The following SORCS3 variants were observed in gnomAD, a reference collection of about 807,000 sequenced individuals.
SORCS3 encodes sortilin related VPS10 domain containing receptor 3, also known as VPS10 domain-containing receptor SorCS3.
Under a neutral mutation model 146.3 loss-of-function variants are expected in SORCS3, and 57 were observed. The ratio of observed to expected loss-of-function variants is 0.39; its 90% CI spans 0.31 to 0.49. The LOEUF is 0.49. Among genes scored for constraint, SORCS3 ranks in the 20% least tolerant of loss-of-function variants. SORCS3 has a pLI of 0.92. For missense variants in SORCS3, 1,341 were observed against 1,575.5 expected (o/e 0.85, Z 2.52); for synonymous variants, 653 against 618.5 (o/e 1.06, Z -0.83).
At chr10:104,902,718 A>G (rs1383186096) in intron 2 of SORCS3, among the ~76,000 whole-genome samples, 1 of 152,202 alleles carries the variant, frequency 6.6e-6, no homozygotes, top group Non-Finnish European at 1.5e-5. Context: ...CCTGTCAAGA[A>G]ACTAAGCTGA....
chr10:105,000,933 C>G (rs1258426845), intron 4 of SORCS3, among the ~76,000 whole-genome samples: 1 of 152,150 alleles, frequency 6.6e-6, no homozygotes, highest in African/African-American at 2.4e-5. Context: ...ATTATCGAGT[C>G]AGATACTGCT....
At chr10:104,682,864 T>C (rs1303035285) in intron 1 of SORCS3, among the ~76,000 whole-genome samples, 1 of 152,180 alleles carries the variant, frequency 6.6e-6, no homozygotes, top group Non-Finnish European at 1.5e-5. Context: ...CATGAACTGC[T>C]CTTGAGGGCA....
intron 4 of SORCS3, among the ~76,000 whole-genome samples, chr10:105,038,129 T>A (rs768388354): frequency 6.6e-6 from 1 of 152,300 alleles, no homozygotes; most frequent in Non-Finnish European, 1.5e-5. Flanking sequence ...AAGGAGAGGA[T>A]CTCGATTGGT....
At chr10:105,069,054 TC>T (rs1276781197) in intron 5 of SORCS3, among the ~76,000 whole-genome samples, 4 of 152,188 alleles carry the variant, frequency 2.6e-5, no homozygotes, top group African/African-American at 9.7e-5. Context: ...AAAACTAGTC[TC>T]AATATTATAC....
intron 6 of SORCS3, among the ~76,000 whole-genome samples, chr10:105,094,574 C>T (rs2055732724): frequency 6.6e-6 from 1 of 152,170 alleles, no homozygotes; most frequent in African/African-American, 2.4e-5. Flanking sequence ...TCCTTACCAT[C>T]AAGGAGCTTC....
intron 1 of SORCS3, among the ~76,000 whole-genome samples, chr10:104,793,815 A>T (rs1407576325): frequency 6.6e-6 from 1 of 152,210 alleles, no homozygotes; most frequent in East Asian, 1.9e-4. Flanking sequence ...AAATGGATTT[A>T]TAGGTCTGAA....
At position 105,079,284 on chromosome 10, in the gene SORCS3, G is replaced by A. The variant is rs541478106; in HGVS notation, c.1029-10491G>A. 2.8e-3 allele frequency among the ~76,000 whole-genome samples: 419 copies of A among 152,278 alleles called. 3 individuals are homozygous for A. Among genetic ancestry groups the A allele is most frequent in the African/African-American group, 9.5e-3 (395 of 41,558 alleles). The stretch of plus-strand genomic sequence containing the variant: ...CAGGATTTCTGGAAGTAGGGCCTAT[G>A]CATTTGTATTTAATATTTTTGGAAA... On this transcript the variant is annotated intron_variant, in intron 5 of 26. Transcript: ENST00000369701.
At chr10:105,246,090 C>A (rs937528502) in intron 21 of SORCS3, among the ~76,000 whole-genome samples, 1 of 152,098 alleles carries the variant, frequency 6.6e-6, no homozygotes, top group Non-Finnish European at 1.5e-5. Flanking sequence ...CAACAGATGG[C>A]TTTCTTGATT....
At chr10:104,758,490 G>T (rs1335582974) in intron 1 of SORCS3, among the ~76,000 whole-genome samples, 1 of 152,156 alleles carries the variant, frequency 6.6e-6, no homozygotes, top group African/African-American at 2.4e-5. Context: ...AGGTGGTAGG[G>T]AGAGTCTGTA....
chr10:104,656,256 A>G (rs2015628240), intron 1 of SORCS3, among the ~76,000 whole-genome samples: 1 of 152,070 alleles, frequency 6.6e-6, no homozygotes, highest in South Asian at 2.1e-4. Flanking sequence ...GGGGAAAGGA[A>G]GGACAGTGTG....
intron 22 of SORCS3, among the ~76,000 whole-genome samples, chr10:105,249,740 TCC>T (rs1204270848): frequency 6.6e-6 from 1 of 151,804 alleles, no homozygotes; most frequent in African/African-American, 2.4e-5. Flanking sequence ...AAAAAATTTA[TCC>T]GGGCATGGTG....
chr10:104,799,630 A>G (rs1310611188), intron 1 of SORCS3, among the ~76,000 whole-genome samples: 1 of 151,846 alleles, frequency 6.6e-6, no homozygotes, highest in African/African-American at 2.4e-5. Context: ...CCACCAGGGC[A>G]CGTGTATACC....
intron 1 of SORCS3, among the ~76,000 whole-genome samples, chr10:104,662,855 T>TA: frequency 6.6e-6 from 1 of 152,316 alleles, no homozygotes; most frequent in South Asian, 2.1e-4. Context: ...ATGTTATTTT[T>TA]ATAGGCACTG....
At chr10:105,113,907 C>T (rs148554373) in intron 7 of SORCS3, among the ~76,000 whole-genome samples, 192 of 152,188 alleles carry the variant, frequency 1.3e-3, no homozygotes, top group African/African-American at 4.4e-3. Flanking sequence ...AAAGAGAAAT[C>T]GGCTTTCCTC....
intron 1 of SORCS3, among the ~76,000 whole-genome samples, chr10:104,716,224 C>T (rs569743532): frequency 9.9e-5 from 15 of 152,078 alleles, no homozygotes; most frequent in Admixed American, 3.9e-4. Flanking sequence ...ATTATCTTTC[C>T]CAAACTAGAA....
At chr10:105,116,836 A>T (rs2055896788) in intron 7 of SORCS3, among the ~76,000 whole-genome samples, 1 of 152,146 alleles carries the variant, frequency 6.6e-6, no homozygotes, top group Admixed American at 6.5e-5. Flanking sequence ...TTAAACTTTG[A>T]GTACATATGG....
intron 4 of SORCS3, among the ~76,000 whole-genome samples, chr10:105,000,806 C>A (rs896139390): frequency 6.6e-6 from 1 of 152,114 alleles, no homozygotes; most frequent in Non-Finnish European, 1.5e-5. Context: ...ATATTGGGCT[C>A]ATTTCCCATT....
chr10:104,933,343 C>G (rs1178957792), intron 3 of SORCS3, among the ~76,000 whole-genome samples: 2 of 150,648 alleles, frequency 1.3e-5, no homozygotes, highest in African/African-American at 4.9e-5. Context: ...AAGATGGTTA[C>G]AGAGGTTCTG....
rs1226411503 is a variant in SORCS3, at chr10:105,264,555, T to C, written c.*1181T>C. 6.6e-6 allele frequency: 1 copy of C among 152,636 alleles called. No individual in the cohort carries two copies. The highest frequency in any genetic ancestry group is 1.5e-5 in the Non-Finnish European group (1 of 68,040). The allele number at this position is 152,636 out of a possible 1,614,324, so 9.5% of individuals were successfully genotyped here. On this transcript the variant is annotated 3_prime_UTR_variant, in exon 27 of 27. Coordinates refer to ENST00000369701, the MANE Select transcript of SORCS3 (RefSeq NM_014978.3). ...AAGGGAAGAGGCATTTGTGGAATTA[T>C]GAGTTCATGCAAAACTCTCCAGGCC...
Sources: allele counts gnomAD v4.1 joint callset (sites outside exome capture counted in the v4.1 genomes callset), GRCh38; gene constraint gnomAD v4.1.1; transcripts MANE v1.5; gene names NCBI Gene and HGNC (gene_info 2026-07-23, HGNC 2026-07-21).